The following ACSM1 variants were observed in gnomAD, a reference collection of about 807,000 sequenced individuals.
ACSM1 encodes the protein acyl-coenzyme A synthetase ACSM1, mitochondrial.
Under a neutral mutation model 75.8 loss-of-function variants are expected in ACSM1, and 79 were observed. That is an observed-to-expected ratio of 1.04 (90% CI 0.87 to 1.26). ACSM1 has a LOEUF of 1.26. ACSM1 is among the 50% of genes most tolerant of loss of function. ACSM1 has a pLI of 0.00. For synonymous variants in ACSM1, 279 were observed against 265.8 expected (o/e 1.05, Z -0.48); for missense variants, 676 against 720.1 (o/e 0.94, Z 0.70).
At chr16:20,671,764 A>G in intron 4 of ACSM1, 93 bp from the exon 5 acceptor site, 1 of 1,375,324 alleles carries the variant, frequency 7.3e-7, no homozygotes, top group Non-Finnish European at 9.5e-7. Flanking sequence ...ACGGACAGGA[A>G]ACTGGGAGTT....
chr16:20,627,869 C>T (rs375438074), intron 10 of ACSM1, among the ~76,000 whole-genome samples: 5 of 77,530 alleles, frequency 6.4e-5, no homozygotes, highest in Admixed American at 1.8e-4. Flanking sequence ...TGTATGTATA[C>T]ATATATATAT....
At chr16:20,634,772 TG>T (rs2017558183) in intron 10 of ACSM1, among the ~76,000 whole-genome samples, 1 of 152,194 alleles carries the variant, frequency 6.6e-6, no homozygotes, top group African/African-American at 2.4e-5. Flanking sequence ...GTAATCGTGA[TG>T]GCTGTACAAC....
chr16:20,662,499 T>C (rs1050739179), intron 6 of ACSM1, among the ~76,000 whole-genome samples: 3 of 152,194 alleles, frequency 2.0e-5, no homozygotes, highest in African/African-American at 7.2e-5. Context: ...TGGCTGGATG[T>C]GTTTTCTTTC....
intron 4 of ACSM1, among the ~76,000 whole-genome samples, chr16:20,673,064 G>A (rs1176491727): frequency 7.0e-6 from 1 of 143,580 alleles, no homozygotes; most frequent in African/African-American, 2.6e-5. Flanking sequence ...ATAATTATAT[G>A]ATATATATAC....
intron 8 of ACSM1, among the ~76,000 whole-genome samples, 154 bp downstream of exon 8, chr16:20,640,307 T>C (rs1477933311): frequency 1.3e-5 from 2 of 152,234 alleles, no homozygotes; most frequent in Non-Finnish European, 2.9e-5. Flanking sequence ...TTCCCCAATA[T>C]CTGCCTTTTC....
chr16:20,645,657 G>C (rs1400730522), intron 7 of ACSM1, among the ~76,000 whole-genome samples: 1 of 152,140 alleles, frequency 6.6e-6, no homozygotes, highest in Non-Finnish European at 1.5e-5. Flanking sequence ...ATCTCAGTCA[G>C]GTCAATGATA....
chr16:20,661,475 T>C (rs1331740843), intron 7 of ACSM1, among the ~76,000 whole-genome samples: 1 of 152,176 alleles, frequency 6.6e-6, no homozygotes, highest in Non-Finnish European at 1.5e-5. Context: ...TTTGACTTGG[T>C]GAGTGGGTTA....
At chr16:20,669,488 G>C (rs1006214041) in intron 6 of ACSM1, among the ~76,000 whole-genome samples, 2 of 139,086 alleles carry the variant, frequency 1.4e-5, no homozygotes, top group Non-Finnish European at 3.0e-5. Flanking sequence ...ACACACCCCA[G>C]CTGCTTGGCC....
In ACSM1 at chr16:20,687,049, A is replaced by G. The variant is rs1409161110; in HGVS notation, c.193-1646T>C. ...GTGTGGTGCGGTGCAGTCAAGAGGA[A>G]GCCCCCCAACTCCCACCTCTTCTCT... is the stretch of plus-strand genomic sequence containing the variant. On this transcript the variant is annotated intron_variant, in intron 2 of 13. Transcript: ENST00000520010. Among the ~76,000 whole-genome samples, 5 of 151,292 alleles carry G rather than the reference A, an allele frequency of 3.3e-5. No individual in the cohort carries two copies. In the East Asian group the frequency reaches 9.8e-4, roughly 30 times the overall value.
intron 10 of ACSM1, among the ~76,000 whole-genome samples, chr16:20,627,772 T>C (rs1278435502): frequency 6.7e-6 from 1 of 149,140 alleles, no homozygotes; most frequent in Non-Finnish European, 1.5e-5. Flanking sequence ...GAGGTTGCAG[T>C]GAGCCAAGAT....
intron 9 of ACSM1, 134 bp downstream of exon 9, chr16:20,637,237 T>C (rs767444949): frequency 2.5e-6 from 2 of 810,614 alleles, no homozygotes; most frequent in African/African-American, 4.0e-5. Context: ...CATATGAAAC[T>C]GAAGGGATAA....
At chr16:20,671,429 T>C in intron 5 of ACSM1, 102 bp downstream of exon 5, 1 of 1,275,694 alleles carries the variant, frequency 7.8e-7, no homozygotes, top group Non-Finnish European at 1.0e-6. Flanking sequence ...TACTTCCAGT[T>C]CCTTTCCCAA....
intron 10 of ACSM1, among the ~76,000 whole-genome samples, chr16:20,635,904 G>T (rs1265007199): frequency 6.6e-6 from 1 of 152,126 alleles, no homozygotes; most frequent in Non-Finnish European, 1.5e-5. Context: ...TTCCCAAAGT[G>T]CTGGGATTAC....
intron 3 of ACSM1, among the ~76,000 whole-genome samples, chr16:20,683,911 C>T (rs2079500140): frequency 6.6e-6 from 1 of 152,082 alleles, no homozygotes; most frequent in Non-Finnish European, 1.5e-5. Flanking sequence ...CTACAGATGA[C>T]ATGGCTTTTC....
chr16:20,682,114 C>T, intron 4 of ACSM1, 142 bp downstream of exon 4: 1 of 756,668 alleles, frequency 1.3e-6, no homozygotes, highest in Non-Finnish European at 2.1e-6. Flanking sequence ...GTTCAGGGCT[C>T]AGTCCTTTGG....
intron 6 of ACSM1, among the ~76,000 whole-genome samples, chr16:20,668,001 T>C (rs1435204668): frequency 1.3e-5 from 2 of 152,056 alleles, no homozygotes; most frequent in Middle Eastern, 3.2e-3. Flanking sequence ...GGGATAACAA[T>C]AGACACTATG....
At chr16:20,643,355 T>G (rs904394185) in intron 7 of ACSM1, among the ~76,000 whole-genome samples, 2 of 152,202 alleles carry the variant, frequency 1.3e-5, no homozygotes, top group Non-Finnish European at 2.9e-5. Flanking sequence ...TAGGTGATAG[T>G]CCCTTTGTGG....
chr16:20,638,443 T>C (rs1027322722), intron 8 of ACSM1, among the ~76,000 whole-genome samples: 4 of 152,228 alleles, frequency 2.6e-5, no homozygotes, highest in Non-Finnish European at 5.9e-5. Flanking sequence ...CTTCAGTAGA[T>C]AATGAGCATC....
intron 4 of ACSM1, among the ~76,000 whole-genome samples, chr16:20,672,471 A>AAAAAAAAAAAAATAT (rs1555473775): frequency 1.5e-5 from 1 of 64,570 alleles, no homozygotes; most frequent in Non-Finnish European, 2.6e-5. Context: ...AAAAAAAAAA[A>AAAAAAAAAAAAATAT]ATATATATAT....
Sources: allele counts gnomAD v4.1 joint callset (sites outside exome capture counted in the v4.1 genomes callset), GRCh38; gene constraint gnomAD v4.1.1; transcripts MANE v1.5; gene names NCBI Gene and HGNC (gene_info 2026-07-23, HGNC 2026-07-21).